Variants in ALG5 observed in about 807,000 individuals in gnomAD.
ALG5 encodes dolichyl-phosphate beta-glucosyltransferase.
In ALG5, 26 loss-of-function variants were observed where a neutral mutation model predicts 51.8. That is an observed-to-expected ratio of 0.50 (90% CI 0.37 to 0.70). ALG5 has a LOEUF of 0.70. Ranked by LOEUF, ALG5 falls within the 30% of genes least tolerant of loss-of-function variation. The probability of loss-of-function intolerance (pLI) is 0.00; values close to 1 mark genes in which losing one functional copy is unlikely to be tolerated. For missense variants in ALG5, 311 were observed against 399.3 expected (o/e 0.78, Z 1.88); for synonymous variants, 141 against 136.1 (o/e 1.04, Z -0.25).
intron 8 of ALG5, among the ~76,000 whole-genome samples, chr13:36,955,732 G>GT (rs2058837133): frequency 8.4e-6 from 1 of 118,418 alleles, no homozygotes; most frequent in Non-Finnish European, 1.8e-5. Flanking sequence ...ACATTTCTCA[G>GT]AACTAAAGGA....
intron 4 of ALG5, among the ~76,000 whole-genome samples, chr13:36,993,357 T>C (rs2059033850): frequency 6.6e-6 from 1 of 152,222 alleles, no homozygotes; most frequent in African/African-American, 2.4e-5. Flanking sequence ...CGAAGGTTCC[T>C]ACCCTAAAGG....
rs1170106434 is a variant in ALG5, at chr13:36,952,300, A to G, written c.859+214T>C. On this transcript the variant is annotated intron_variant, in intron 9 of 9. Transcript: ENST00000239891. ...GTTTCTTCGACAAGGTAGTAGGCCT[A>G]CTGAAGGCCCCATGAACAGACAAAA... 6.6e-5 allele frequency among the ~76,000 whole-genome samples: 10 copies of G among 152,220 alleles called. 1 individual carries two copies. The highest frequency in any genetic ancestry group is 5.9e-4 in the Admixed American group (9 of 15,278).
At chr13:36,991,463 A>T (rs1031733389) in intron 4 of ALG5, among the ~76,000 whole-genome samples, 10 of 152,226 alleles carry the variant, frequency 6.6e-5, no homozygotes, top group Non-Finnish European at 1.3e-4. Context: ...TTCAACCAGC[A>T]AATGCAGCCA....
chr13:36,965,102 G>C (rs1474781565), intron 8 of ALG5, among the ~76,000 whole-genome samples: 2 of 152,074 alleles, frequency 1.3e-5, no homozygotes, highest in Non-Finnish European at 2.9e-5. Flanking sequence ...AAAGGGTTCT[G>C]GGAAAGATGT....
intron 5 of ALG5, 125 bp from the exon 6 acceptor site, chr13:36,985,865 G>A (rs1164313023): frequency 3.7e-6 from 2 of 534,438 alleles, no homozygotes; most frequent in Non-Finnish European, 6.4e-6. Flanking sequence ...GCTGAAGGAG[G>A]CCAGAGTTCA....
In ALG5 at chr13:36,986,484, T is replaced by C. The variant is rs551599283; in HGVS notation, c.448-744A>G. 9.2e-5 allele frequency among the ~76,000 whole-genome samples: 14 copies of C among 152,344 alleles called. No homozygotes were observed. In the East Asian group the frequency reaches 1.5e-3, roughly 17 times the overall value. Reference sequence around the variant, plus strand: ...GTGCAAATATATTTATGGTTTGATATAGTAAAATTGCTTTGATAACACAAC... The same window carrying C: ...GTGCAAATATATTTATGGTTTGATACAGTAAAATTGCTTTGATAACACAAC... On this transcript the variant is annotated intron_variant, in intron 5 of 9. Transcript: ENST00000239891.
intron 4 of ALG5, among the ~76,000 whole-genome samples, chr13:36,989,835 T>C (rs888589527): frequency 6.6e-6 from 1 of 152,100 alleles, no homozygotes; most frequent in African/African-American, 2.4e-5. Context: ...TTGACTCCTC[T>C]ACCTAAGCTA....
intron 8 of ALG5, among the ~76,000 whole-genome samples, chr13:36,957,996 C>T (rs769810510): frequency 1.1e-4 from 17 of 152,100 alleles, no homozygotes; most frequent in Non-Finnish European, 2.4e-4. Context: ...ACACTTGAGT[C>T]AAACCCTGGA....
chr13:36,966,143 C>A (rs1184127289), intron 7 of ALG5, among the ~76,000 whole-genome samples: 1 of 152,138 alleles, frequency 6.6e-6, no homozygotes, highest in Non-Finnish European at 1.5e-5. Context: ...CAGATATAAG[C>A]CTGCAGTTGA....
At chr13:36,997,987 T>C (rs1469205182) in intron 1 of ALG5, among the ~76,000 whole-genome samples, 1 of 152,190 alleles carries the variant, frequency 6.6e-6, no homozygotes, top group Non-Finnish European at 1.5e-5. Flanking sequence ...TGATAACATA[T>C]ATGTCACAGT....
chr13:36,962,899 G>A (rs2058874409), intron 8 of ALG5, among the ~76,000 whole-genome samples: 1 of 152,096 alleles, frequency 6.6e-6, no homozygotes, highest in African/African-American at 2.4e-5. Flanking sequence ...TGATTGCATG[G>A]TGATATGACA....
In ALG5 at chr13:36,952,782, T is replaced by C. The variant is rs943461711; in HGVS notation, c.774-183A>G. On this transcript the variant is annotated intron_variant, in intron 8 of 9. Transcript: ENST00000239891. The stretch of plus-strand genomic sequence containing the variant: ...AGTAGTTCAGAAGTTTCAAGTCAAA[T>C]AATAATTTAGAATATCATTGCATAA... The C allele has an allele frequency of 9.4e-6, 4 of 424,838 alleles. No homozygotes were observed. The Admixed American group carries it at 1.4e-4, about 15-fold the overall frequency. 26.3% of individuals were successfully genotyped at this position (424,838 alleles called of 1,614,324 possible).
At chr13:36,957,740 A>G (rs1476603107) in intron 8 of ALG5, among the ~76,000 whole-genome samples, 1 of 152,128 alleles carries the variant, frequency 6.6e-6, no homozygotes, top group African/African-American at 2.4e-5. Context: ...GTGCTTGACC[A>G]AGAGACGGCC....
chr13:36,952,071 G>C (rs1383653547), intron 9 of ALG5, among the ~76,000 whole-genome samples: 3 of 152,158 alleles, frequency 2.0e-5, no homozygotes, highest in African/African-American at 7.2e-5. Flanking sequence ...CAGGCATGAG[G>C]CATGGTGCTC....
At chr13:36,984,360 C>T (rs2138817752) in intron 6 of ALG5, among the ~76,000 whole-genome samples, 1 of 152,222 alleles carries the variant, frequency 6.6e-6, no homozygotes, top group Non-Finnish European at 1.5e-5. Flanking sequence ...CCTGGCCTCC[C>T]ACAGTGCTGG....
chr13:36,989,848 G>A (rs554482551), intron 4 of ALG5, among the ~76,000 whole-genome samples: 37 of 152,128 alleles, frequency 2.4e-4, no homozygotes, highest in Non-Finnish European at 4.3e-4. Flanking sequence ...CTAAGCTACT[G>A]AGCTGCTAAA....
intron 6 of ALG5, 99 bp downstream of exon 6, chr13:36,985,528 A>C (rs1162959168): frequency 1.2e-6 from 1 of 843,354 alleles, no homozygotes; most frequent in African/African-American, 1.7e-5. Flanking sequence ...TACCAAAAAC[A>C]CTCAGTTTTT....
At chr13:36,989,611 T>C in intron 4 of ALG5, 35 bp from the exon 5 acceptor site, 1 of 1,501,080 alleles carries the variant, frequency 6.7e-7, no homozygotes, top group South Asian at 1.2e-5. Context: ...ATAAAATTAA[T>C]TTGGATTAAA....
chr13:36,965,684 G>C lies in ALG5; in HGVS notation c.664C>G (p.Leu222Val), dbSNP rs1175915813. 3.1e-6 allele frequency: 5 copies of C among 1,613,862 alleles called. No homozygotes were observed. The highest frequency in any genetic ancestry group is 4.2e-6 in the Non-Finnish European group (5 of 1,179,938). Residue 222 changes from leucine (L) to valine (V), a missense_variant, in exon 8 of 10, where the codon CTG (leucine) becomes GTG (valine). Transcript: ENST00000239891. ...RTLLMYGFHF[L>V]VWFLCVKGIR... The stretch of plus-strand genomic sequence containing the variant: ...CCTTTGACACAAAGGAACCACACCA[G>C]AAAGTGGAACCCATACATGAGAAGA...
Sources: allele counts gnomAD v4.1 joint callset (sites outside exome capture counted in the v4.1 genomes callset), GRCh38; gene constraint gnomAD v4.1.1; transcripts MANE v1.5; gene names NCBI Gene and HGNC (gene_info 2026-07-23, HGNC 2026-07-21).